The following SERPIND1 variants were observed in gnomAD, a reference collection of about 807,000 sequenced individuals.
SERPIND1 encodes the protein heparin cofactor 2.
SERPIND1 carries 34 observed loss-of-function variants against 35.0 expected under a neutral mutation model. The observed-to-expected ratio is 0.97, with a 90% confidence interval of 0.74 to 1.29. The LOEUF (loss-of-function observed/expected upper bound fraction) is 1.29, where lower values mean the gene tolerates loss of function less well. SERPIND1 is among the 50% of genes most tolerant of loss of function. SERPIND1 has a pLI of 0.00. For missense variants in SERPIND1, 633 were observed against 637.7 expected (o/e 0.99, Z 0.08); for synonymous variants, 236 against 241.1 (o/e 0.98, Z 0.19).
Position 20,779,448 on chromosome 22 carries a change from A to C in SERPIND1, c.136A>C (p.Asn46His), listed in dbSNP as rs749989451. Residue 46 changes from asparagine to histidine, a missense_variant, in exon 2 of 5, where the codon AAT (asparagine) becomes CAT (histidine). Transcript: ENST00000215727. ...QSADPQWEQL[N>H]NKNLSMPLLP... ...TGCAGATCCCCAGTGGGAGCAGTTAAATAACAAAAACCTGAGCATGCCTCT... is the reference window on the plus strand; with the variant it reads ...TGCAGATCCCCAGTGGGAGCAGTTACATAACAAAAACCTGAGCATGCCTCT... 9.3e-6 allele frequency: 15 copies of C among 1,614,084 alleles called. No individual in the cohort carries two copies. The highest frequency in any genetic ancestry group is 3.3e-5 in the Admixed American group (2 of 59,996).
chr22:20,782,339 T>G (rs1432733458), intron 2 of SERPIND1, among the ~76,000 whole-genome samples: 1 of 152,190 alleles, frequency 6.6e-6, no homozygotes, highest in Non-Finnish European at 1.5e-5. Flanking sequence ...CACGTGCAAA[T>G]GCTTCTGCTT....
At chr22:20,785,315 C>G (rs910458003) in intron 3 of SERPIND1, among the ~76,000 whole-genome samples, 23 of 152,222 alleles carry the variant, frequency 1.5e-4, no homozygotes, top group African/African-American at 5.3e-4. Flanking sequence ...AGCAGTCCTC[C>G]TGCCTTGGCC....
At chr22:20,781,279 T>C (rs1202535560) in intron 2 of SERPIND1, among the ~76,000 whole-genome samples, 1 of 152,202 alleles carries the variant, frequency 6.6e-6, no homozygotes, top group East Asian at 1.9e-4. Flanking sequence ...ACCTCTACTT[T>C]ACTCTCTAAG....
Position 20,779,991 on chromosome 22 carries a change from C to A in SERPIND1, c.679C>A (p.Gln227Lys). The change falls in exon 2 of 5, where the codon CAG becomes AAG. Residue 227 changes from glutamine to lysine, a missense_variant. Gln to Lys is a moderately conservative substitution (Grantham distance 53, BLOSUM62 1). Transcript: ENST00000215727. ...GCGGTCAGTCAATGACCTTTATATC[C>A]AGAAGCAGTTTCCAATCCTGCTTGA... is the stretch of plus-strand genomic sequence containing the variant. ...TLRSVNDLYI[Q>K]KQFPILLDFK... 1 of 1,614,106 alleles carries A rather than the reference C, an allele frequency of 6.2e-7. No individual in the cohort carries two copies.
chr22:20,778,876 C>T (rs1933517168), intron 1 of SERPIND1, among the ~76,000 whole-genome samples: 1 of 152,154 alleles, frequency 6.6e-6, no homozygotes, highest in African/African-American at 2.4e-5. Context: ...AGAGCCTTCG[C>T]TTTACTGCAC....
At chr22:20,780,364 C>T (rs1181516527) in intron 2 of SERPIND1, among the ~76,000 whole-genome samples, 163 bp downstream of exon 2, 1 of 152,214 alleles carries the variant, frequency 6.6e-6, no homozygotes, top group African/African-American at 2.4e-5. Context: ...GCTGAAGTGA[C>T]AGTAGCATCT....
At chr22:20,779,056 A>G in intron 1 of SERPIND1, 2 of 894,826 alleles carry the variant, frequency 2.2e-6, no homozygotes, top group Non-Finnish European at 3.2e-6. Context: ...CAAACCTTTA[A>G]AGAAGGGATT....
At position 20,779,321 on chromosome 22, in the gene SERPIND1, C is replaced by T. The variant is rs147404838; in HGVS notation, c.9C>T (p.His3=). 19 of 1,614,200 alleles carry T rather than the reference C, an allele frequency of 1.2e-5. No individual in the cohort carries two copies. In the Middle Eastern group the frequency reaches 4.9e-4, roughly 42 times the overall value. MK[H]SLNALLIFLI... ...GCTTTAGCTCCGCCAAAATGAAACA[C>T]TCATTAAACGCACTTCTCATTTTCC... Residue 3 remains histidine, a synonymous_variant, in exon 2 of 5, where the codon CAC becomes CAT. Coordinates refer to ENST00000215727, the MANE Select transcript of SERPIND1 (RefSeq NM_000185.4).
chr22:20,780,283 T>C, intron 2 of SERPIND1, 82 bp downstream of exon 2: 2 of 1,587,442 alleles, frequency 1.3e-6, no homozygotes, highest in Non-Finnish European at 1.7e-6. Context: ...CCAAGAACTG[T>C]ACTGTAGCTA....
At chr22:20,783,576 C>T (rs1933969606) in intron 2 of SERPIND1, among the ~76,000 whole-genome samples, 3 of 152,020 alleles carry the variant, frequency 2.0e-5, no homozygotes, top group South Asian at 2.1e-4. Flanking sequence ...ATGATGGCAT[C>T]GCCGCACTCC....
At chr22:20,776,151 A>G (rs749011869) in intron 1 of SERPIND1, among the ~76,000 whole-genome samples, 12 of 152,064 alleles carry the variant, frequency 7.9e-5, no homozygotes, top group Non-Finnish European at 1.5e-4. Context: ...GTAAAACCCC[A>G]TCTTTACCAA....
chr22:20,786,299 G>A (rs555088919), intron 4 of SERPIND1, 151 bp downstream of exon 4: 5 of 884,358 alleles, frequency 5.7e-6, no homozygotes, highest in Non-Finnish European at 7.3e-6. Flanking sequence ...TACACAGAAT[G>A]CCTAGTTTCA....
chr22:20,783,836 G>C, intron 2 of SERPIND1, 136 bp from the exon 3 acceptor site: 1 of 1,172,790 alleles, frequency 8.5e-7, no homozygotes. Context: ...TCAGGCCTCA[G>C]GAATCAAGAG....
Position 20,779,530 on chromosome 22 carries a change from G to T in SERPIND1, c.218G>T (p.Gly73Val). 6 of 1,614,002 alleles carry T rather than the reference G, an allele frequency of 3.7e-6. No individual in the cohort carries two copies. Among genetic ancestry groups the T allele is most frequent in the Admixed American group, 1.7e-5 (1 of 60,034 alleles). ...GTCACCAACGACTGGATTCCAGAGG[G>T]GGAGGAGGACGACGACTATCTGGAC... ...NTVTNDWIPE[G>V]EEDDDYLDLE... Residue 73 changes from glycine to valine, a missense_variant, in exon 2 of 5, where the codon GGG becomes GTG. Transcript: ENST00000215727.
At position 20,785,755 on chromosome 22, in the gene SERPIND1, T is replaced by C. The variant is rs187353695; in HGVS notation, c.1164-249T>C. Among the ~76,000 whole-genome samples, 377 of 152,142 alleles carry C rather than the reference T, an allele frequency of 2.5e-3. 1 individual carries two copies. The highest frequency in any genetic ancestry group is 8.6e-3 in the African/African-American group (358 of 41,510). On this transcript the variant is annotated intron_variant, in intron 3 of 4. Transcript: ENST00000215727. Reference sequence around the variant, plus strand: ...AAAGTTCTGCTGCTAACCTTGAAGATAGGAAACGAACCATACAGTCTCAAG... The same window carrying C: ...AAAGTTCTGCTGCTAACCTTGAAGACAGGAAACGAACCATACAGTCTCAAG...
chr22:20,781,701 G>C (rs928598912), intron 2 of SERPIND1, among the ~76,000 whole-genome samples: 2 of 152,196 alleles, frequency 1.3e-5, no homozygotes, highest in Non-Finnish European at 2.9e-5. Context: ...ACAGGCTTGC[G>C]GCAGACACAC....
rs530245238 is a variant in SERPIND1 at position 20,774,877 on chromosome 22, C to T, written c.-17+732C>T. On this transcript the variant is annotated intron_variant, in intron 1 of 4. Transcript: ENST00000215727. ...ATGTGCATGCCTGTGAGAACACACACGTACGTACACACACACACAGATAAT... is the reference window on the plus strand; with the variant it reads ...ATGTGCATGCCTGTGAGAACACACATGTACGTACACACACACACAGATAAT... Among the ~76,000 whole-genome samples, 14 of 152,118 alleles carry T rather than the reference C, an allele frequency of 9.2e-5. 1 individual carries two copies. The highest frequency in any genetic ancestry group is 4.2e-4 in the South Asian group (2 of 4,812).
At chr22:20,775,231 T>C (rs13055484) in intron 1 of SERPIND1, among the ~76,000 whole-genome samples, 251 of 152,296 alleles carry the variant, frequency 1.6e-3, no homozygotes, top group Non-Finnish European at 3.1e-3. Flanking sequence ...GAATGATTTA[T>C]CTTTAAAATA....
intron 2 of SERPIND1, 134 bp downstream of exon 2, chr22:20,780,335 C>T (rs1345440584): frequency 7.1e-6 from 10 of 1,400,474 alleles, no homozygotes; most frequent in South Asian, 3.5e-5. Context: ...GACTCTGGAA[C>T]GGGGACAGGG....
Sources: allele counts gnomAD v4.1 joint callset (sites outside exome capture counted in the v4.1 genomes callset), GRCh38; gene constraint gnomAD v4.1.1; transcripts MANE v1.5; gene names NCBI Gene and HGNC (gene_info 2026-07-23, HGNC 2026-07-21).